Variants in CHN2 observed in about 807,000 individuals in gnomAD.
The protein encoded by CHN2 is beta-chimaerin.
A neutral mutation model predicts 56.3 loss-of-function variants in CHN2; 35 were observed. The ratio of observed to expected loss-of-function variants is 0.62; its 90% CI spans 0.47 to 0.82. The LOEUF (loss-of-function observed/expected upper bound fraction) is 0.82, where lower values mean the gene tolerates loss of function less well. Ranked by LOEUF, CHN2 falls within the 40% of genes least tolerant of loss-of-function variation. CHN2 has a pLI of 0.00. For synonymous variants in CHN2, 210 were observed against 212.8 expected (o/e 0.99, Z 0.12); for missense variants, 491 against 580.5 (o/e 0.85, Z 1.58).
chr7:29,178,147 A>G (rs1421915449), intron 2 of CHN2, among the ~76,000 whole-genome samples: 2 of 152,186 alleles, frequency 1.3e-5, no homozygotes, highest in Non-Finnish European at 2.9e-5. Flanking sequence ...CCACACCATC[A>G]GCCTTTCTTT....
intron 1 of CHN2, among the ~76,000 whole-genome samples, chr7:29,211,948 C>A (rs1784991724): frequency 6.6e-6 from 1 of 152,072 alleles, no homozygotes; most frequent in Non-Finnish European, 1.5e-5. Context: ...TATAACGAAC[C>A]TCTTACCATC....
At position 29,500,520 on chromosome 7, in the gene CHN2, C is replaced by T. The variant is rs550039532; in HGVS notation, c.913+480C>T. 4.4e-4 allele frequency among the ~76,000 whole-genome samples: 67 copies of T among 152,098 alleles called. 1 individual carries two copies. In the South Asian group the frequency reaches 0.01, roughly 24 times the overall value. On this transcript the variant is annotated intron_variant, in intron 9 of 12. Transcript: ENST00000222792. ...GTGCACACCTGTAGTTCCAGCTACT[C>T]GAGAGGCTGAGGCATGGAAGAAATT...
At chr7:29,362,488 C>T (rs1158611672) in intron 2 of CHN2, among the ~76,000 whole-genome samples, 1 of 152,180 alleles carries the variant, frequency 6.6e-6, no homozygotes, top group Non-Finnish European at 1.5e-5. Context: ...TAGATCATGG[C>T]TCCTGCTCAA....
At chr7:29,267,232 T>C (rs1333805856) in intron 1 of CHN2, among the ~76,000 whole-genome samples, 1 of 146,836 alleles carries the variant, frequency 6.8e-6, no homozygotes, top group Non-Finnish European at 1.5e-5. Context: ...ACTAAGTGCA[T>C]ATTTCTTTTT....
intron 2 of CHN2, among the ~76,000 whole-genome samples, chr7:29,149,254 G>T (rs11971828): frequency 7.3e-6 from 1 of 137,170 alleles, no homozygotes; most frequent in South Asian, 2.4e-4. Flanking sequence ...CTGCAATGTC[G>T]CAATCTCAGC....
At chr7:29,365,431 G>T (rs991138814) in intron 2 of CHN2, among the ~76,000 whole-genome samples, 1 of 152,184 alleles carries the variant, frequency 6.6e-6, no homozygotes, top group Non-Finnish European at 1.5e-5. Context: ...AACTATAGTT[G>T]TTGATAAGTT....
At chr7:29,277,230 C>T (rs894730352) in intron 1 of CHN2, among the ~76,000 whole-genome samples, 1 of 152,182 alleles carries the variant, frequency 6.6e-6, no homozygotes, top group Non-Finnish European at 1.5e-5. Flanking sequence ...GCATGACTTT[C>T]ACTTTGTAAT....
intron 1 of CHN2, among the ~76,000 whole-genome samples, chr7:29,211,383 T>G (rs1205409059): frequency 6.6e-6 from 1 of 151,400 alleles, no homozygotes; most frequent in African/African-American, 2.4e-5. Context: ...CGGCCCTGAC[T>G]GAGGTTTTAA....
chr7:29,461,611 T>C (rs1028257835), intron 6 of CHN2, among the ~76,000 whole-genome samples: 1 of 152,198 alleles, frequency 6.6e-6, no homozygotes, highest in Admixed American at 6.5e-5. Flanking sequence ...AGCACAGTAA[T>C]GATGAACAGC....
intron 6 of CHN2, among the ~76,000 whole-genome samples, chr7:29,464,220 C>T (rs897900466): frequency 3.3e-5 from 5 of 152,190 alleles, no homozygotes; most frequent in Non-Finnish European, 5.9e-5. Flanking sequence ...TTTCAATCAA[C>T]ACAACAATCC....
chr7:29,275,515 A>G (rs993453708), intron 1 of CHN2, among the ~76,000 whole-genome samples: 2 of 152,236 alleles, frequency 1.3e-5, no homozygotes, highest in African/African-American at 2.4e-5. Flanking sequence ...AAATAAATGA[A>G]TATATAATAA....
intron 3 of CHN2, among the ~76,000 whole-genome samples, chr7:29,383,567 A>G (rs1220891918): frequency 6.6e-6 from 1 of 152,240 alleles, no homozygotes; most frequent in Non-Finnish European, 1.5e-5. Flanking sequence ...TGTTTGTCAG[A>G]TATCTGGGAA....
intron 1 of CHN2, among the ~76,000 whole-genome samples, chr7:29,305,087 C>T (rs1005333927): frequency 6.6e-6 from 1 of 152,130 alleles, no homozygotes; most frequent in Non-Finnish European, 1.5e-5. Flanking sequence ...GAGGGTGAGC[C>T]TCCAGATTTC....
intron 1 of CHN2, among the ~76,000 whole-genome samples, chr7:29,225,861 A>G (rs1446845565): frequency 6.6e-6 from 1 of 152,170 alleles, no homozygotes; most frequent in African/African-American, 2.4e-5. Context: ...TTAAAACATT[A>G]TTCTGAGACA....
intron 2 of CHN2, among the ~76,000 whole-genome samples, chr7:29,161,021 C>T (rs1795101884): frequency 3.3e-5 from 5 of 152,098 alleles, no homozygotes; most frequent in Admixed American, 3.3e-4. Flanking sequence ...TTTAATTTCT[C>T]ACCCTTCTTT....
At chr7:29,484,897 A>G (rs1170240179) in intron 7 of CHN2, among the ~76,000 whole-genome samples, 1 of 152,200 alleles carries the variant, frequency 6.6e-6, no homozygotes, top group East Asian at 1.9e-4. Context: ...ATGTAATCTA[A>G]TTGCTCCTAA....
intron 1 of CHN2, among the ~76,000 whole-genome samples, chr7:29,211,068 T>TTG (rs1554363858): frequency 0.024 from 3,545 of 147,496 alleles, 69 homozygotes; most frequent in African/African-American, 0.042. Context: ...TGTTTTTTTT[T>TTG]TTGTTGTTGT....
At chr7:29,271,944 A>G (rs1790679739) in intron 1 of CHN2, among the ~76,000 whole-genome samples, 1 of 152,188 alleles carries the variant, frequency 6.6e-6, no homozygotes, top group South Asian at 2.1e-4. Flanking sequence ...TTTATAGATG[A>G]AATCCACACA....
intron 10 of CHN2, among the ~76,000 whole-genome samples, chr7:29,506,664 T>C (rs1231886130): frequency 6.6e-6 from 1 of 151,946 alleles, no homozygotes; most frequent in East Asian, 1.9e-4. Flanking sequence ...TGATAAGAAA[T>C]ATAACATCAC....
Sources: gnomAD v4.1 joint callset for allele counts (sites outside exome capture counted in the v4.1 genomes callset) on GRCh38, gnomAD v4.1.1 for gene constraint, MANE v1.5 for transcripts, NCBI Gene and HGNC (gene_info 2026-07-23, HGNC 2026-07-21) for gene names.